Variants in SMARCA2 observed in about 807,000 individuals in gnomAD.
SMARCA2 encodes SWI/SNF related BAF chromatin remodeling complex subunit ATPase 2.
In SMARCA2, 61 loss-of-function variants were observed where a neutral mutation model predicts 199.8. The observed-to-expected ratio is 0.31, with a 90% CI of 0.25 to 0.38. The LOEUF (loss-of-function observed/expected upper bound fraction) is 0.38, where lower values mean the gene tolerates loss of function less well. Among genes scored for constraint, SMARCA2 ranks in the 10% least tolerant of loss-of-function variants. The pLI is 1.00. For missense variants in SMARCA2, 1,344 were observed against 2,012.2 expected (o/e 0.67, Z 6.35); for synonymous variants, 935 against 732.0 (o/e 1.28, Z -4.48).
At chr9:2,036,272 G>A (rs1341342567) in intron 3 of SMARCA2, among the ~76,000 whole-genome samples, 1 of 152,068 alleles carries the variant, frequency 6.6e-6, no homozygotes, top group African/African-American at 2.4e-5. Context: ...ATTAATAGGA[G>A]AGAGGTTATT....
At chr9:2,060,592 G>T (rs1232448213) in intron 8 of SMARCA2, among the ~76,000 whole-genome samples, 1 of 152,230 alleles carries the variant, frequency 6.6e-6, no homozygotes, top group Non-Finnish European at 1.5e-5. Flanking sequence ...GTGGCTTTGT[G>T]CCCGGACTTT....
intron 31 of SMARCA2, among the ~76,000 whole-genome samples, chr9:2,182,562 C>T (rs117440576): frequency 0.024 from 3,322 of 139,802 alleles, 57 homozygotes; most frequent in Non-Finnish European, 0.037. Flanking sequence ...GGTGCCTTCT[C>T]GGCTCATGGC....
Position 2,073,241 on chromosome 9 carries a change from C to T in SMARCA2, c.1776C>T (p.Asp592=). ...TAGATGAGAGCAGCCAGATGAGTGA[C>T]CTCCCTGTCAAAGTGACTCACACAG... ...EPIDESSQMS[D]LPVKVTHTET... Residue 592 remains aspartate, a synonymous_variant, in exon 11 of 34, where the codon GAC becomes GAT. Transcript: ENST00000349721. 6.2e-7 allele frequency: 1 copy of T among 1,614,160 alleles called. No homozygotes were observed. The highest frequency in any genetic ancestry group is 1.1e-5 in the South Asian group (1 of 91,084).
chr9:2,088,400 G>A, intron 18 of SMARCA2, 100 bp from the exon 19 acceptor site: 1 of 1,348,396 alleles, frequency 7.4e-7, no homozygotes, highest in Non-Finnish European at 9.8e-7. Context: ...CATGTAAAAT[G>A]TCAATCATGT....
In SMARCA2 at chr9:2,139,482, A is replaced by G. The variant is rs375981022; in HGVS notation, c.3981+15545A>G. Among the ~76,000 whole-genome samples, 29 of 152,334 alleles carry G rather than the reference A, an allele frequency of 1.9e-4. No individual in the cohort carries two copies. The South Asian group carries it at 5.8e-3, about 30-fold the overall frequency. Reference sequence around the variant, plus strand: ...GTGATATTGTGAAGTCCAGCACGCTAGAGTGTCAACATTCCAGGAAGATCA... The same window carrying G: ...GTGATATTGTGAAGTCCAGCACGCTGGAGTGTCAACATTCCAGGAAGATCA... On this transcript the variant is annotated intron_variant, in intron 27 of 33. Coordinates refer to ENST00000349721, the MANE Select transcript of SMARCA2 (RefSeq NM_003070.5).
At chr9:2,054,005 C>T (rs1462635733) in intron 5 of SMARCA2, among the ~76,000 whole-genome samples, 1 of 152,128 alleles carries the variant, frequency 6.6e-6, no homozygotes, top group Non-Finnish European at 1.5e-5. Context: ...ATTTTCTTTT[C>T]TCAAGCAAGC....
chr9:2,063,051 T>C (rs1644297211), intron 9 of SMARCA2, among the ~76,000 whole-genome samples: 1 of 152,156 alleles, frequency 6.6e-6, no homozygotes, highest in South Asian at 2.1e-4. Context: ...TGTGCAGAAT[T>C]TTTACTTTAT....
chr9:2,186,060 CT>C, intron 31 of SMARCA2, 35 bp from the exon 32 acceptor site: 1 of 1,603,250 alleles, frequency 6.2e-7, no homozygotes, highest in Non-Finnish European at 8.5e-7. Context: ...GGTAACTCAG[CT>C]TGCAGTTTTA....
At position 2,062,127 on chromosome 9, in the gene SMARCA2, T is replaced by A. The variant is rs761255492; in HGVS notation, c.1692+1141T>A. 1.2e-3 allele frequency among the ~76,000 whole-genome samples: 180 copies of A among 152,128 alleles called. 1 individual carries two copies. Among genetic ancestry groups the A allele is most frequent in the Non-Finnish European group, 1.5e-3 (103 of 67,988 alleles). ...GGGGGAGGGAAGAATGATGGGGAAA[T>A]AAATCATATAAATGTAGTTATTACC... On this transcript the variant is annotated intron_variant, in intron 9 of 33. Coordinates refer to ENST00000349721, the MANE Select transcript of SMARCA2 (RefSeq NM_003070.5).
At chr9:2,177,148 A>G (rs1346028414) in intron 29 of SMARCA2, among the ~76,000 whole-genome samples, 2 of 152,162 alleles carry the variant, frequency 1.3e-5, no homozygotes, top group East Asian at 3.9e-4. Flanking sequence ...ATTAAACTTC[A>G]TAGGAACCTG....
At chr9:2,051,663 G>GAACTTA (rs1820124354) in intron 5 of SMARCA2, among the ~76,000 whole-genome samples, 1 of 152,236 alleles carries the variant, frequency 6.6e-6, no homozygotes, top group Non-Finnish European at 1.5e-5. Context: ...CCAAGGGATA[G>GAACTTA]TTTGAGTTCT....
intron 23 of SMARCA2, among the ~76,000 whole-genome samples, chr9:2,106,496 G>C (rs1822761030): frequency 6.6e-6 from 1 of 152,164 alleles, no homozygotes; most frequent in South Asian, 2.1e-4. Context: ...CTTTCCGTAA[G>C]AAACAGCAGC....
chr9:2,187,353 G>C (rs1022068682), intron 32 of SMARCA2, among the ~76,000 whole-genome samples: 1 of 152,128 alleles, frequency 6.6e-6, no homozygotes, highest in Non-Finnish European at 1.5e-5. Flanking sequence ...ATATTCCAAA[G>C]GTTAAGGGTG....
rs1563741081 is a variant in SMARCA2 at position 2,061,891 on chromosome 9, G to A, written c.1692+905G>A. Reference sequence around the variant, plus strand: ...GGAGGAGGAATAAATGATTAAGAAGGCACCTTCTTGCACTGATTTCTTTAG... The same window carrying A: ...GGAGGAGGAATAAATGATTAAGAAGACACCTTCTTGCACTGATTTCTTTAG... On this transcript the variant is annotated intron_variant, in intron 9 of 33. Coordinates refer to ENST00000349721, the MANE Select transcript of SMARCA2 (RefSeq NM_003070.5). Among the ~76,000 whole-genome samples the A allele has an allele frequency of 2.6e-5, 4 of 152,294 alleles. No individual in the cohort carries two copies. In the South Asian group the frequency reaches 6.2e-4, roughly 24 times the overall value.
chr9:2,160,004 G>C, intron 27 of SMARCA2: 1 of 1,507,904 alleles, frequency 6.6e-7, no homozygotes, highest in Non-Finnish European at 9.0e-7. Context: ...GGTGTTCTCC[G>C]TATTTCTGTG....
rs1196526585 is a variant in SMARCA2, at chr9:2,080,287, C to T, written c.2185-1545C>T. The stretch of plus-strand genomic sequence containing the variant: ...AAGCTTGGTTCAATATCTAATCCTC[C>T]CCCTGGCCAATTCTGCCAGTTTCCA... On this transcript the variant is annotated intron_variant, in intron 14 of 33. Coordinates refer to ENST00000349721, the MANE Select transcript of SMARCA2 (RefSeq NM_003070.5). 6 of 152,318 alleles carry T rather than the reference C, an allele frequency of 3.9e-5. No individual in the cohort carries two copies. In the East Asian group the frequency reaches 7.7e-4, roughly 20 times the overall value. 9.4% of individuals were successfully genotyped at this position (152,318 alleles called of 1,614,324 possible).
Position 2,090,742 on chromosome 9 carries a change from G to A in SMARCA2, c.2883+2129G>A, listed in dbSNP as rs75272473. ...GTTCTCTTGTCTTTGCTCTCCTTCC[G>A]GTAGCCCCCCCACATCTCTCTCCAT... On this transcript the variant is annotated intron_variant, in intron 19 of 33. Transcript: ENST00000349721. 1.1e-4 allele frequency among the ~76,000 whole-genome samples: 17 copies of A among 152,040 alleles called. No individual in the cohort carries two copies. In the East Asian group the frequency reaches 2.1e-3, roughly 19 times the overall value.
At chr9:2,160,653 C>T (rs576683224) in intron 27 of SMARCA2, 75 of 698,614 alleles carry the variant, frequency 1.1e-4, no homozygotes, top group East Asian at 6.2e-4. Flanking sequence ...CTTTCAGCTA[C>T]GAGAAAGGAT....
intron 27 of SMARCA2, among the ~76,000 whole-genome samples, chr9:2,137,287 C>A (rs1165517501): frequency 2.0e-5 from 3 of 152,172 alleles, no homozygotes; most frequent in Admixed American, 2.0e-4. Context: ...TGGGAACTTA[C>A]CAAAAATCGG....
Sources: allele counts gnomAD v4.1 joint callset (sites outside exome capture counted in the v4.1 genomes callset), GRCh38; gene constraint gnomAD v4.1.1; transcripts MANE v1.5; gene names NCBI Gene and HGNC (gene_info 2026-07-23, HGNC 2026-07-21).